Variants in VPS53 observed in about 807,000 individuals in gnomAD.
The protein encoded by VPS53 is vacuolar protein sorting-associated protein 53 homolog.
A neutral mutation model predicts 107.0 loss-of-function variants in VPS53; 70 were observed. The observed-to-expected ratio is 0.65, with a 90% CI of 0.54 to 0.80. The LOEUF (loss-of-function observed/expected upper bound fraction) is 0.80, where lower values mean the gene tolerates loss of function less well. VPS53 is among the 30% of genes least tolerant of loss of function. The pLI, the probability that VPS53 is intolerant of heterozygous loss-of-function variation, is 0.00. For synonymous variants in VPS53, 409 were observed against 393.3 expected, an observed-to-expected ratio of 1.04 and a Z score of -0.47; for missense variants, 917 against 1,049.4, an observed-to-expected ratio of 0.87 and a Z score of 1.74.
At position 581,385 on chromosome 17, in the gene VPS53, C is replaced by A. The variant is rs72477035; in HGVS notation, c.1313+4885G>T. 2.1e-3 allele frequency among the ~76,000 whole-genome samples: 306 copies of A among 146,516 alleles called. 8 individuals carry two copies. In the East Asian group the frequency reaches 0.058, roughly 28 times the overall value. On this transcript the variant is annotated intron_variant, in intron 13 of 21. Transcript: ENST00000437048. ...TTCCCAGAGAACCTCCCTGAGAACC[C>A]TGAGGTCACAGAGGACCTTCCTCAG...
At chr17:569,603 A>G (rs191682267) in intron 13 of VPS53, among the ~76,000 whole-genome samples, 2 of 152,302 alleles carry the variant, frequency 1.3e-5, no homozygotes, top group East Asian at 3.9e-4. Context: ...TGATAAACGC[A>G]GAAGAAATGA....
intron 12 of VPS53, among the ~76,000 whole-genome samples, chr17:591,288 G>C (rs1967632433): frequency 2.0e-5 from 3 of 151,810 alleles, no homozygotes; most frequent in Admixed American, 1.3e-4. Context: ...TATTAGTCTT[G>C]CTAGCAGTCT....
chr17:541,661 CGGGCGCT>C (rs1910676221), intron 17 of VPS53, among the ~76,000 whole-genome samples: 1 of 141,174 alleles, frequency 7.1e-6, no homozygotes, highest in African/African-American at 2.7e-5. Flanking sequence ...TACCACGCAC[CGGGCGCT>C]GAAGGAATGT....
intron 12 of VPS53, among the ~76,000 whole-genome samples, chr17:595,553 T>C (rs1597357765): frequency 5.4e-5 from 1 of 18,656 alleles, no homozygotes; most frequent in Non-Finnish European, 1.2e-4. Context: ...CGGAGGAAGC[T>C]GGGAGATGGG....
intron 4 of VPS53, among the ~76,000 whole-genome samples, chr17:664,036 C>T (rs1597458397): frequency 6.6e-6 from 1 of 152,022 alleles, no homozygotes; most frequent in South Asian, 2.1e-4. Flanking sequence ...CAAATCGGGA[C>T]CTGCAGGATG....
intron 11 of VPS53, among the ~76,000 whole-genome samples, chr17:612,721 G>A (rs1481052605): frequency 7.0e-6 from 1 of 142,274 alleles, no homozygotes; most frequent in Admixed American, 7.0e-5. Context: ...TATTCACATA[G>A]TTCACACAGC....
Position 519,045 on chromosome 17 carries a change from C to G in VPS53, c.*83G>C. ...TTGAAGACCGACGATGTGAGAGTGC[C>G]GGGGAGCACAGGAGAGGTTGGGGGC... is the stretch of plus-strand genomic sequence containing the variant. On this transcript the variant is annotated 3_prime_UTR_variant, in exon 22 of 22. Coordinates refer to ENST00000437048, the MANE Select transcript of VPS53 (RefSeq NM_001128159.3). The surrounding 1 kb of genome is among the most constrained non-coding windows in gnomAD (Gnocchi z 5.0). 1 of 1,391,028 alleles carries G rather than the reference C, an allele frequency of 7.2e-7. No homozygotes were observed. The highest frequency in any genetic ancestry group is 9.5e-7 in the Non-Finnish European group (1 of 1,051,506). The allele number at this position is 1,391,028 out of a possible 1,614,324, so 86.2% of individuals were successfully genotyped here.
rs762376152 is a variant in VPS53, at chr17:661,852, T to C, written c.329A>G (p.Lys110Arg). The stretch of plus-strand genomic sequence containing the variant: ...AGCTTTGTCTTTGATATCTTTGATT[T>C]TGCCAAAGAGTTGTTGGATAGCTTT... ...AQKAIQQLFG[K>R]IKDIKDKAEK... The change falls in exon 5 of 22, where the codon AAA becomes AGA. Residue 110 changes from lysine to arginine, a missense_variant. Coordinates refer to ENST00000437048, the MANE Select transcript of VPS53 (RefSeq NM_001128159.3). 4.5e-6 allele frequency: 7 copies of C among 1,552,242 alleles called. No homozygotes were observed. The South Asian group carries it at 8.3e-5, about 18-fold the overall frequency.
Position 518,516 on chromosome 17 carries a change from T to C in VPS53, c.*612A>G, listed in dbSNP as rs1176667250. 1 of 152,008 alleles carries C rather than the reference T, an allele frequency of 6.6e-6. No individual in the cohort carries two copies. Among genetic ancestry groups the C allele is most frequent in the Non-Finnish European group, 1.5e-5 (1 of 68,008 alleles). The allele number at this position is 152,008 out of a possible 1,614,324, so 9.4% of individuals were successfully genotyped here. A position where few individuals can be genotyped will look rare whatever the true frequency, so the allele number is the denominator to read the frequency against. On this transcript the variant is annotated 3_prime_UTR_variant, in exon 22 of 22. Coordinates refer to ENST00000437048, the MANE Select transcript of VPS53 (RefSeq NM_001128159.3). ...AGTATGGACTTCCTGGGCGTTCCCA[T>C]GGCTTCATCTGATGAGAAAACCTAG...
intron 15 of VPS53, among the ~76,000 whole-genome samples, chr17:554,463 G>A (rs889876412): frequency 6.6e-6 from 1 of 152,148 alleles, no homozygotes; most frequent in Non-Finnish European, 1.5e-5. Context: ...GAGTGCAATG[G>A]TACGATCTTG....
In VPS53 at chr17:631,556, G is replaced by A; in HGVS notation, c.681C>T (p.Gly227=). ...ADFEEAFPSQ[G]TKRPGGPSNV... Reference sequence around the variant, plus strand: ...GGGAAACGCAAAGCAGTACCTTGGTGCCCTGGGAAGGAAACGCTTCTTCAA... The same window carrying A: ...GGGAAACGCAAAGCAGTACCTTGGTACCCTGGGAAGGAAACGCTTCTTCAA... The change falls in exon 8 of 22, where the codon GGC becomes GGT. Residue 227 remains glycine, a synonymous_variant. Coordinates refer to ENST00000437048, the MANE Select transcript of VPS53 (RefSeq NM_001128159.3). 6.2e-7 allele frequency: 1 copy of A among 1,614,022 alleles called. No individual in the cohort carries two copies.
rs192562033 is a variant in VPS53 at position 657,349 on chromosome 17, C to T, written c.373-1396G>A. ...GCAGGGTATGTTATATCAGTTCGGA[C>T]CGTGCCATCGATCTTAATGAACCGC... is the stretch of plus-strand genomic sequence containing the variant. On this transcript the variant is annotated intron_variant, in intron 5 of 21. Coordinates refer to ENST00000437048, the MANE Select transcript of VPS53 (RefSeq NM_001128159.3). 237 of 764,168 alleles carry T rather than the reference C, an allele frequency of 3.1e-4. 1 individual carries two copies. In the African/African-American group the frequency reaches 3.4e-3, roughly 11 times the overall value. The allele number at this position is 764,168 out of a possible 1,614,324, so 47.3% of individuals were successfully genotyped here. A position where few individuals can be genotyped will look rare whatever the true frequency, so the allele number is the denominator to read the frequency against.
At chr17:679,013 C>T (rs1480734668) in intron 4 of VPS53, among the ~76,000 whole-genome samples, 1 of 152,094 alleles carries the variant, frequency 6.6e-6, no homozygotes, top group Non-Finnish European at 1.5e-5. Context: ...CCTTTAAGCG[C>T]TCTTCTTACA....
intron 7 of VPS53, among the ~76,000 whole-genome samples, chr17:653,015 A>G (rs980127673): frequency 6.6e-6 from 1 of 152,262 alleles, no homozygotes; most frequent in East Asian, 1.9e-4. Flanking sequence ...TCTGAAAGCA[A>G]GATCACTTCT....
At chr17:528,242 A>G (rs966297697) in intron 19 of VPS53, among the ~76,000 whole-genome samples, 5 of 152,194 alleles carry the variant, frequency 3.3e-5, no homozygotes, top group African/African-American at 1.2e-4. Flanking sequence ...CTTACCCATT[A>G]GCAGCCATTC....
intron 12 of VPS53, among the ~76,000 whole-genome samples, chr17:599,710 C>G (rs1464572456): frequency 6.7e-6 from 1 of 149,366 alleles, no homozygotes; most frequent in Non-Finnish European, 1.5e-5. Context: ...ATGACCCTGC[C>G]AAATCCCCCT....
At chr17:556,431 C>G (rs1912356910) in intron 15 of VPS53, among the ~76,000 whole-genome samples, 1 of 152,208 alleles carries the variant, frequency 6.6e-6, no homozygotes. Context: ...GGGAACCATA[C>G]AAACGATCTT....
intron 7 of VPS53, among the ~76,000 whole-genome samples, chr17:643,820 C>A (rs978708823): frequency 2.4e-4 from 37 of 152,218 alleles, no homozygotes; most frequent in African/African-American, 7.7e-4. Context: ...GGACAACACT[C>A]ATACTTGGAA....
rs559673015 is a variant in VPS53 at position 586,119 on chromosome 17, T to C, written c.1313+151A>G. 164 of 635,934 alleles carry C rather than the reference T, an allele frequency of 2.6e-4. 1 individual carries two copies. The South Asian group carries it at 3.1e-3, about 12-fold the overall frequency. 39.4% of individuals were successfully genotyped at this position (635,934 alleles called of 1,614,324 possible). A position where few individuals can be genotyped will look rare whatever the true frequency, so the allele number is the denominator to read the frequency against. ...ACAATTAATGATAACATTCAAAAGA[T>C]GTAAAAATACCCCTAATGGGTTTCT... On this transcript the variant is annotated intron_variant, in intron 13 of 21. Coordinates refer to ENST00000437048, the MANE Select transcript of VPS53 (RefSeq NM_001128159.3).
Sources: allele counts gnomAD v4.1 joint callset (sites outside exome capture counted in the v4.1 genomes callset), GRCh38; gene constraint gnomAD v4.1.1; non-coding constraint Gnocchi (gnomAD v3.1); transcripts MANE v1.5; gene names NCBI Gene and HGNC (gene_info 2026-07-23, HGNC 2026-07-21).